USP47: variants seen among roughly 807,000 people sequenced by gnomAD.
USP47 encodes the protein ubiquitin carboxyl-terminal hydrolase 47.
Under a neutral mutation model 165.1 loss-of-function variants are expected in USP47, and 35 were observed. The ratio of observed to expected loss-of-function variants is 0.21; its 90% confidence interval spans 0.16 to 0.28. The LOEUF is 0.28. Ranked by LOEUF, USP47 falls within the 10% of genes least tolerant of loss-of-function variation. The pLI, the probability that USP47 is intolerant of heterozygous loss-of-function variation, is 1.00. For synonymous variants in USP47, 531 were observed against 544.5 expected, an observed-to-expected ratio of 0.98 and a Z score of 0.35; for missense variants, 1,277 against 1,607.4, an observed-to-expected ratio of 0.79 and a Z score of 3.52.
chr11:11,907,861 C>T (rs567823810), intron 8 of USP47, among the ~76,000 whole-genome samples: 4 of 152,116 alleles, frequency 2.6e-5, no homozygotes, highest in Non-Finnish European at 4.4e-5. Context: ...TTTAGAAAGC[C>T]GAGGCGGGCA....
chr11:11,903,426 T>G, intron 7 of USP47, 84 bp downstream of exon 7: 1 of 1,350,296 alleles, frequency 7.4e-7, no homozygotes, highest in Non-Finnish European at 1.0e-6. Flanking sequence ...GTTGGAATGT[T>G]TTAAAACTTG....
chr11:11,895,432 A>G (rs1253269301), intron 4 of USP47, among the ~76,000 whole-genome samples: 1 of 152,226 alleles, frequency 6.6e-6, no homozygotes, highest in Non-Finnish European at 1.5e-5. Flanking sequence ...ATTGTATCAG[A>G]TAAAATTATT....
At chr11:11,905,844 A>G (rs910269552) in intron 8 of USP47, among the ~76,000 whole-genome samples, 1 of 151,678 alleles carries the variant, frequency 6.6e-6, no homozygotes, top group African/African-American at 2.4e-5. Flanking sequence ...TTTTACCTCT[A>G]AACAGTCTAT....
intron 8 of USP47, among the ~76,000 whole-genome samples, chr11:11,918,778 T>C (rs548409631): frequency 6.6e-5 from 10 of 151,956 alleles, no homozygotes; most frequent in Non-Finnish European, 1.5e-4. Flanking sequence ...TACATAATTA[T>C]CTCACTCTCC....
chr11:11,941,721 A>G (rs1023547388), intron 19 of USP47, among the ~76,000 whole-genome samples: 1 of 152,106 alleles, frequency 6.6e-6, no homozygotes, highest in Admixed American at 6.6e-5. Flanking sequence ...TCTTTTAAAA[A>G]AATGACAATT....
At chr11:11,910,644 A>G (rs1423092194) in intron 8 of USP47, among the ~76,000 whole-genome samples, 2 of 151,920 alleles carry the variant, frequency 1.3e-5, no homozygotes, top group African/African-American at 4.8e-5. Context: ...CCTACTGAAT[A>G]CCCAGAATTC....
intron 1 of USP47, among the ~76,000 whole-genome samples, chr11:11,849,007 A>G (rs1356112048): frequency 6.6e-6 from 1 of 152,054 alleles, no homozygotes. Flanking sequence ...CCAACCACAC[A>G]CAAGCACACA....
intron 20 of USP47, among the ~76,000 whole-genome samples, chr11:11,946,838 G>C (rs1453465502): frequency 6.6e-6 from 1 of 152,120 alleles, no homozygotes; most frequent in African/African-American, 2.4e-5. Flanking sequence ...CTTCTAATTT[G>C]TTCTTGTCAC....
At chr11:11,945,092 CT>C (rs1426611321) in intron 20 of USP47, among the ~76,000 whole-genome samples, 1 of 152,118 alleles carries the variant, frequency 6.6e-6, no homozygotes, top group Non-Finnish European at 1.5e-5. Flanking sequence ...TTCACTACAA[CT>C]TATGTATTTG....
intron 1 of USP47, among the ~76,000 whole-genome samples, chr11:11,873,616 CTT>C (rs893006495): frequency 5.9e-5 from 9 of 151,982 alleles, no homozygotes; most frequent in African/African-American, 4.8e-5. Context: ...TTTATCACCT[CTT>C]TATCATAGAT....
At chr11:11,911,132 C>T (rs1352726226) in intron 8 of USP47, among the ~76,000 whole-genome samples, 2 of 151,970 alleles carry the variant, frequency 1.3e-5, no homozygotes, top group African/African-American at 4.8e-5. Context: ...GACAGTAGGT[C>T]GAATCTGTGA....
chr11:11,908,228 A>T (rs1019902129), intron 8 of USP47, among the ~76,000 whole-genome samples: 1 of 152,198 alleles, frequency 6.6e-6, no homozygotes, highest in African/African-American at 2.4e-5. Flanking sequence ...TTAATTTCAG[A>T]TAATTAAGAG....
rs549295613 is a variant in USP47, at chr11:11,854,427, A to G, written c.39+12203A>G. On this transcript the variant is annotated intron_variant, in intron 1 of 27. Transcript: ENST00000527733. ...ACCTTAGTTAATTAAGGATAATTCT[A>G]AGTACCTCCTAGCATTGGTGGGAAG... Among the ~76,000 whole-genome samples the G allele has an allele frequency of 7.3e-4, 107 of 147,018 alleles. 6 individuals are homozygous for G. Among genetic ancestry groups the G allele is most frequent in the African/African-American group, 2.5e-3 (102 of 41,252 alleles).
intron 1 of USP47, among the ~76,000 whole-genome samples, chr11:11,877,287 C>G (rs1850495602): frequency 6.6e-6 from 1 of 152,080 alleles, no homozygotes; most frequent in Admixed American, 6.6e-5. Flanking sequence ...TTACTGTTAG[C>G]AATGGTGATT....
chr11:11,876,549 C>T (rs1274495321), intron 1 of USP47, among the ~76,000 whole-genome samples: 3 of 152,184 alleles, frequency 2.0e-5, no homozygotes, highest in Non-Finnish European at 4.4e-5. Context: ...CCAGGGCTCA[C>T]CAGCTATTCA....
At chr11:11,924,423 T>A (rs1854088901) in intron 11 of USP47, among the ~76,000 whole-genome samples, 1 of 152,204 alleles carries the variant, frequency 6.6e-6, no homozygotes, top group Non-Finnish European at 1.5e-5. Flanking sequence ...TGATCTGTAG[T>A]TTTCCTTTCT....
At chr11:11,950,147 A>AC in intron 23 of USP47, 143 bp downstream of exon 23, 1 of 712,506 alleles carries the variant, frequency 1.4e-6, no homozygotes, top group Non-Finnish European at 2.2e-6. Context: ...GTTTAATAGG[A>AC]CTAAACAAGA....
intron 3 of USP47, among the ~76,000 whole-genome samples, chr11:11,885,828 G>A (rs943412459): frequency 6.6e-6 from 1 of 152,176 alleles, no homozygotes; most frequent in Non-Finnish European, 1.5e-5. Context: ...CTTCCTGCAG[G>A]TGCATTCAGG....
intron 10 of USP47, among the ~76,000 whole-genome samples, chr11:11,922,257 A>G (rs1271244611): frequency 2.6e-5 from 4 of 151,952 alleles, no homozygotes; most frequent in Non-Finnish European, 4.4e-5. Context: ...GGATGAATAC[A>G]ATGTCTTGTT....
Sources: gnomAD v4.1 joint callset for allele counts (sites outside exome capture counted in the v4.1 genomes callset) on GRCh38, gnomAD v4.1.1 for gene constraint, MANE v1.5 for transcripts, NCBI Gene and HGNC (gene_info 2026-07-23, HGNC 2026-07-21) for gene names.